MAGI2: variants seen among roughly 807,000 people sequenced by gnomAD.
The protein encoded by MAGI2 is membrane-associated guanylate kinase, WW and PDZ domain-containing protein 2.
A neutral mutation model predicts 133.3 loss-of-function variants in MAGI2; 35 were observed. The observed-to-expected ratio is 0.26, with a 90% CI of 0.20 to 0.35. MAGI2 has a LOEUF of 0.35. Among genes scored for constraint, MAGI2 ranks in the 10% least tolerant of loss-of-function variants. The pLI, the probability that MAGI2 is intolerant of heterozygous loss-of-function variation, is 1.00. For missense variants in MAGI2, 1,636 were observed against 1,863.4 expected, an observed-to-expected ratio of 0.88 and a Z score of 2.25; for synonymous variants, 729 against 710.6, an observed-to-expected ratio of 1.03 and a Z score of -0.41.
In MAGI2 at chr7:79,040,152, T is replaced by C. The variant is rs998686141; in HGVS notation, c.302-32946A>G. 7.2e-5 allele frequency among the ~76,000 whole-genome samples: 11 copies of C among 151,990 alleles called. No homozygotes were observed. In the East Asian group the frequency reaches 2.0e-3, roughly 27 times the overall value. ...GGGGGTGGTTTCCTGCATGCTGTTC[T>C]GATGATAGTGAGTTCTCATAGTATC... On this transcript the variant is annotated intron_variant, in intron 1 of 21. Transcript: ENST00000354212.
rs181782954 is a variant in MAGI2 at position 78,209,540 on chromosome 7, T to C, written c.2048-8347A>G. ...CTTCCCAAAGTGCTGGGATTACAGG[T>C]GTGAGTCACCGTGCCTGGCCTGAAA... On this transcript the variant is annotated intron_variant, in intron 10 of 21. Coordinates refer to ENST00000354212, the MANE Select transcript of MAGI2 (RefSeq NM_012301.4). 2.4e-3 allele frequency among the ~76,000 whole-genome samples: 367 copies of C among 152,106 alleles called. 1 individual carries two copies. Among genetic ancestry groups the C allele is most frequent in the South Asian group, 0.012 (60 of 4,816 alleles).
At chr7:79,107,648 T>A (rs1195047072) in intron 1 of MAGI2, among the ~76,000 whole-genome samples, 1 of 152,250 alleles carries the variant, frequency 6.6e-6, no homozygotes, top group East Asian at 1.9e-4. Flanking sequence ...TGAGAGTTTA[T>A]ATGGAAATTC....
At chr7:78,919,767 A>G (rs1799086786) in intron 2 of MAGI2, among the ~76,000 whole-genome samples, 1 of 152,124 alleles carries the variant, frequency 6.6e-6, no homozygotes, top group Non-Finnish European at 1.5e-5. Flanking sequence ...AGACCTATTA[A>G]TTGTATGCAA....
At chr7:79,152,851 G>A (rs1823390297) in intron 1 of MAGI2, among the ~76,000 whole-genome samples, 1 of 152,168 alleles carries the variant, frequency 6.6e-6, no homozygotes, top group Non-Finnish European at 1.5e-5. Flanking sequence ...TCTATCTCCA[G>A]TTGTAGGATA....
At chr7:78,717,028 C>CT (rs1819777108) in intron 2 of MAGI2, among the ~76,000 whole-genome samples, 1 of 152,104 alleles carries the variant, frequency 6.6e-6, no homozygotes, top group African/African-American at 2.4e-5. Flanking sequence ...TAACCCCTAA[C>CT]CCAGTGAATT....
In MAGI2 at chr7:79,007,222, G is replaced by A. The variant is rs760814173; in HGVS notation, c.302-16C>T. 102 of 1,511,632 alleles carry A rather than the reference G, an allele frequency of 6.7e-5. 1 individual carries two copies. In the South Asian group the frequency reaches 1.1e-3, roughly 16 times the overall value. The allele number at this position is 1,511,632 out of a possible 1,614,324, so 93.6% of individuals were successfully genotyped here. On this transcript the variant is annotated splice_polypyrimidine_tract_variant and intron_variant, in intron 1 of 21. Coordinates refer to ENST00000354212, the MANE Select transcript of MAGI2 (RefSeq NM_012301.4). ...ACAATTCCTCCTAAAAATAAAAAAA[G>A]TTTCTTGGTAAGGGATGTTGGAAAA... is the stretch of plus-strand genomic sequence containing the variant.
intron 11 of MAGI2, among the ~76,000 whole-genome samples, chr7:78,198,262 G>T (rs1315889094): frequency 2.0e-5 from 3 of 152,068 alleles, no homozygotes. Context: ...TGGAAATAAA[G>T]TTGTTTTCTA....
At chr7:78,647,973 A>T (rs557580071) in intron 2 of MAGI2, among the ~76,000 whole-genome samples, 1 of 152,230 alleles carries the variant, frequency 6.6e-6, no homozygotes, top group Admixed American at 6.5e-5. Flanking sequence ...AGGCAGGGGA[A>T]CATTACACTC....
intron 1 of MAGI2, among the ~76,000 whole-genome samples, chr7:79,378,941 T>A (rs1250628852): frequency 3.5e-5 from 1 of 28,970 alleles, no homozygotes; most frequent in South Asian, 1.3e-3. Flanking sequence ...TATATATATA[T>A]ATATATATAT....
chr7:79,375,040 C>T (rs541090540), intron 1 of MAGI2, among the ~76,000 whole-genome samples: 1 of 152,080 alleles, frequency 6.6e-6, no homozygotes, highest in African/African-American at 2.4e-5. Flanking sequence ...AGGGCCCAAA[C>T]ATCCCAAACT....
intron 3 of MAGI2, among the ~76,000 whole-genome samples, chr7:78,589,714 C>A (rs1803795865): frequency 6.6e-6 from 1 of 152,094 alleles, no homozygotes; most frequent in South Asian, 2.1e-4. Context: ...ATGCACGTAG[C>A]CATGGTAGAA....
At chr7:79,378,817 T>A (rs987971766) in intron 1 of MAGI2, among the ~76,000 whole-genome samples, 1 of 150,400 alleles carries the variant, frequency 6.6e-6, no homozygotes, top group African/African-American at 2.4e-5. Context: ...ACTGCCTGCA[T>A]GAACACCTCA....
At chr7:78,859,122 C>G (rs1029017257) in intron 2 of MAGI2, among the ~76,000 whole-genome samples, 2 of 151,870 alleles carry the variant, frequency 1.3e-5, no homozygotes, top group Non-Finnish European at 2.9e-5. Context: ...TTATTTTGAG[C>G]CTATGTGTGT....
intron 1 of MAGI2, among the ~76,000 whole-genome samples, chr7:79,384,814 A>G (rs2129145428): frequency 6.6e-6 from 1 of 151,860 alleles, no homozygotes; most frequent in Middle Eastern, 3.4e-3. Context: ...GTGGAATGAA[A>G]TGTTTTCATC....
chr7:78,520,932 T>C (rs1393647342), intron 4 of MAGI2, among the ~76,000 whole-genome samples: 5 of 152,272 alleles, frequency 3.3e-5, no homozygotes, highest in Middle Eastern at 3.4e-3. Flanking sequence ...TCTGCAGTTG[T>C]AGCGATTTTG....
In MAGI2 at chr7:79,162,939, C is replaced by G. The variant is rs116663055; in HGVS notation, c.302-155733G>C. Among the ~76,000 whole-genome samples the G allele has an allele frequency of 9.3e-3, 1,413 of 151,936 alleles. 25 individuals carry two copies. Among genetic ancestry groups the G allele is most frequent in the African/African-American group, 0.032 (1,319 of 41,450 alleles). On this transcript the variant is annotated intron_variant, in intron 1 of 21. Coordinates refer to ENST00000354212, the MANE Select transcript of MAGI2 (RefSeq NM_012301.4). Reference sequence around the variant, plus strand: ...TTTTAAGAGGTGATGAATACCTGTCCACATCCATTCCTATCTGGCCTAGAA... The same window carrying G: ...TTTTAAGAGGTGATGAATACCTGTCGACATCCATTCCTATCTGGCCTAGAA...
At chr7:78,330,485 C>T (rs1183833234) in intron 9 of MAGI2, among the ~76,000 whole-genome samples, 3 of 90,206 alleles carry the variant, frequency 3.3e-5, no homozygotes, top group African/African-American at 4.8e-5. Context: ...GGCGAGGTGG[C>T]GGGCGCCTGT....
At chr7:79,150,691 G>C (rs369935182) in intron 1 of MAGI2, among the ~76,000 whole-genome samples, 4,392 of 76,298 alleles carry the variant, frequency 0.058, 81 homozygotes, top group Middle Eastern at 0.098. Flanking sequence ...TTCATATCAG[G>C]TGGGCCATAA....
chr7:78,467,944 G>C (rs115290984), intron 6 of MAGI2, among the ~76,000 whole-genome samples: 2,543 of 152,138 alleles, frequency 0.017, 76 homozygotes, highest in African/African-American at 0.058. Flanking sequence ...TACTATATGA[G>C]AAACCAATAA....
Sources: gnomAD v4.1 joint callset for allele counts (sites outside exome capture counted in the v4.1 genomes callset) on GRCh38, gnomAD v4.1.1 for gene constraint, MANE v1.5 for transcripts, NCBI Gene and HGNC (gene_info 2026-07-23, HGNC 2026-07-21) for gene names.